The following CSMD1 variants were observed in gnomAD, a reference collection of about 807,000 sequenced individuals.
CSMD1 encodes the protein CUB and Sushi multiple domains 1.
In CSMD1, 213 loss-of-function variants were observed where a neutral mutation model predicts 417.5. The observed-to-expected ratio is 0.51, with a 90% CI of 0.46 to 0.57. The LOEUF (loss-of-function observed/expected upper bound fraction) is 0.57, where lower values mean the gene tolerates loss of function less well. Among genes scored for constraint, CSMD1 ranks in the 20% least tolerant of loss-of-function variants. The pLI, the probability that CSMD1 is intolerant of heterozygous loss-of-function variation, is 0.00. For synonymous variants in CSMD1, 2,862 were observed against 1,736.8 expected (o/e 1.65, Z -16.11); for missense variants, 6,923 against 4,529.7 (o/e 1.53, Z -15.17).
At chr8:4,223,009 A>G (rs1421314014) in intron 3 of CSMD1, among the ~76,000 whole-genome samples, 4 of 152,180 alleles carry the variant, frequency 2.6e-5, no homozygotes, top group Admixed American at 6.5e-5. Context: ...ATAAATAGAC[A>G]AAAACATAAT....
Position 2,999,959 on chromosome 8 carries a change from G to C in CSMD1, c.8202C>G (p.Val2734=). The part of the protein sequence containing the change: ...HKWSGQTPVC[V]PITCGHPGNP... The stretch of plus-strand genomic sequence containing the variant: ...TTCGTCCACAAAGAGTGCACTTACG[G>C]ACACAGACAGGCGTTTGTCCAGACC... Residue 2734 remains valine (V), a splice_region_variant and synonymous_variant, in exon 53 of 70, where the codon GTC becomes GTG. Transcript: ENST00000635120. 2 of 1,607,654 alleles carry C rather than the reference G, an allele frequency of 1.2e-6. No homozygotes were observed. Among genetic ancestry groups the C allele is most frequent in the East Asian group, 4.5e-5 (2 of 44,616 alleles).
At chr8:3,146,196 T>C (rs1818834354) in intron 40 of CSMD1, among the ~76,000 whole-genome samples, 1 of 152,172 alleles carries the variant, frequency 6.6e-6, no homozygotes, top group Admixed American at 6.5e-5. Flanking sequence ...TAAAAGATAA[T>C]GGGGTAAGGC....
chr8:4,174,984 T>C (rs997300583), intron 3 of CSMD1, among the ~76,000 whole-genome samples: 5 of 151,576 alleles, frequency 3.3e-5, no homozygotes, highest in African/African-American at 1.2e-4. Flanking sequence ...TTTGAGATAC[T>C]TGCTGAATTG....
At chr8:4,620,916 A>G (rs993322571) in intron 2 of CSMD1, among the ~76,000 whole-genome samples, 7 of 151,954 alleles carry the variant, frequency 4.6e-5, no homozygotes, top group Non-Finnish European at 1.0e-4. Flanking sequence ...AAAATAGGCA[A>G]CTGGCAAATA....
intron 1 of CSMD1, among the ~76,000 whole-genome samples, chr8:4,912,122 CA>C (rs36194482): frequency 0.058 from 4,872 of 84,474 alleles, 141 homozygotes; most frequent in African/African-American, 0.11. Flanking sequence ...AACATAGCTT[CA>C]AAAAAAAAAA....
intron 23 of CSMD1, among the ~76,000 whole-genome samples, chr8:3,329,533 C>T (rs1806756707): frequency 6.6e-6 from 1 of 152,184 alleles, no homozygotes; most frequent in Non-Finnish European, 1.5e-5. Context: ...TGAGAATGTG[C>T]AGCAGTTCCC....
At chr8:3,113,973 T>A (rs193225487) in intron 42 of CSMD1, among the ~76,000 whole-genome samples, 3 of 152,292 alleles carry the variant, frequency 2.0e-5, no homozygotes, top group African/African-American at 7.2e-5. Flanking sequence ...ATTCCAGCAC[T>A]TTGGTAGGCT....
At chr8:3,597,429 A>G (rs1039096435) in intron 8 of CSMD1, among the ~76,000 whole-genome samples, 4 of 152,118 alleles carry the variant, frequency 2.6e-5, no homozygotes, top group African/African-American at 9.7e-5. Context: ...AACTACTTTC[A>G]ATGCAAGCCC....
intron 1 of CSMD1, among the ~76,000 whole-genome samples, chr8:4,820,305 C>T (rs552643941): frequency 5.9e-5 from 9 of 152,142 alleles, no homozygotes; most frequent in Non-Finnish European, 8.8e-5. Flanking sequence ...ACAGTTAGTG[C>T]GCCATAGAAG....
At chr8:4,991,018 T>C (rs1184230525) in intron 1 of CSMD1, among the ~76,000 whole-genome samples, 2 of 152,198 alleles carry the variant, frequency 1.3e-5, no homozygotes, top group East Asian at 3.9e-4. Context: ...GAGGCTGCTC[T>C]GGCGTAGTAG....
At position 4,812,722 on chromosome 8, in the gene CSMD1, G is replaced by T. The variant is rs144105710; in HGVS notation, c.86-175164C>A. ...AAACATGTAAAAAATACTATTAAAA[G>T]AAATTGCCTTTCTTCACAAAGCATC... On this transcript the variant is annotated intron_variant, in intron 1 of 69. Coordinates refer to ENST00000635120, the MANE Select transcript of CSMD1 (RefSeq NM_033225.6). Among the ~76,000 whole-genome samples the T allele has an allele frequency of 1.2e-4, 18 of 152,174 alleles. No homozygotes were observed. In the East Asian group the frequency reaches 3.3e-3, roughly 28 times the overall value.
chr8:4,826,969 G>A (rs17348305), intron 1 of CSMD1, among the ~76,000 whole-genome samples: 42,643 of 151,944 alleles, frequency 0.28, 7,034 homozygotes, highest in Admixed American at 0.42. Flanking sequence ...CTCACTACAC[G>A]TTGAATACGA....
intron 1 of CSMD1, chr8:4,788,682 G>C (rs1316452482): frequency 1.8e-6 from 1 of 562,832 alleles, no homozygotes; most frequent in Non-Finnish European, 3.1e-6. Context: ...TTATAAATTA[G>C]AGAACACAAA....
At position 4,178,711 on chromosome 8, in the gene CSMD1, C is replaced by G. The variant is rs753438298; in HGVS notation, c.416-146612G>C. Reference sequence around the variant, plus strand: ...TGTCTCAGCCCAAAATCTCCTTAAGCTGATAGGCAACTTCAGCAAAGTCTC... The same window carrying G: ...TGTCTCAGCCCAAAATCTCCTTAAGGTGATAGGCAACTTCAGCAAAGTCTC... On this transcript the variant is annotated intron_variant, in intron 3 of 69. Coordinates refer to ENST00000635120, the MANE Select transcript of CSMD1 (RefSeq NM_033225.6). Among the ~76,000 whole-genome samples the G allele has an allele frequency of 7.9e-5, 12 of 152,260 alleles. 1 individual carries two copies. The highest frequency in any genetic ancestry group is 2.0e-4 in the Admixed American group (3 of 15,282).
intron 12 of CSMD1, among the ~76,000 whole-genome samples, chr8:3,434,498 T>G (rs1563385032): frequency 1.3e-5 from 2 of 152,172 alleles, no homozygotes; most frequent in African/African-American, 2.4e-5. Context: ...CACTGCATTT[T>G]GTTATAGACA....
chr8:3,956,477 A>G (rs898394540), intron 5 of CSMD1, among the ~76,000 whole-genome samples: 2 of 152,196 alleles, frequency 1.3e-5, no homozygotes, highest in African/African-American at 4.8e-5. Flanking sequence ...TCATCCACGT[A>G]CATTCCTAAA....
chr8:3,999,831 A>G (rs977617425), intron 4 of CSMD1, among the ~76,000 whole-genome samples: 3 of 151,992 alleles, frequency 2.0e-5, no homozygotes, highest in African/African-American at 7.3e-5. Flanking sequence ...TTTAATAGTT[A>G]GCCAGTCTGT....
intron 3 of CSMD1, among the ~76,000 whole-genome samples, chr8:4,406,931 A>T (rs1018265015): frequency 2.0e-5 from 3 of 152,182 alleles, no homozygotes; most frequent in Non-Finnish European, 4.4e-5. Context: ...TAACAAGACC[A>T]AGCTGACTTA....
At chr8:3,108,449 G>C (rs576348975) in intron 44 of CSMD1, among the ~76,000 whole-genome samples, 154 bp downstream of exon 44, 3 of 152,084 alleles carry the variant, frequency 2.0e-5, no homozygotes, top group Non-Finnish European at 2.9e-5. Context: ...AACAAAAAAA[G>C]GACCACAGGA....
Sources: allele counts gnomAD v4.1 joint callset (sites outside exome capture counted in the v4.1 genomes callset), GRCh38; gene constraint gnomAD v4.1.1; transcripts MANE v1.5; gene names NCBI Gene and HGNC (gene_info 2026-07-23, HGNC 2026-07-21).